The following NXPH1 variants were observed in gnomAD, a reference collection of about 807,000 sequenced individuals.
The protein encoded by NXPH1 is neurexophilin 1.
A neutral mutation model predicts 23.7 loss-of-function variants in NXPH1; 5 were observed. The observed-to-expected ratio is 0.21, with a 90% confidence interval of 0.11 to 0.44. The LOEUF (loss-of-function observed/expected upper bound fraction) is 0.44, where lower values mean the gene tolerates loss of function less well. NXPH1 is among the 20% of genes least tolerant of loss of function. The pLI is 0.99. For synonymous variants in NXPH1, 144 were observed against 122.2 expected (o/e 1.18, Z -1.18); for missense variants, 324 against 321.6 (o/e 1.01, Z -0.06).
rs116372432 is a variant in NXPH1, at chr7:8,464,017, C to G, written c.54+28250C>G. ...ATATGTTCCCAGAGACGTCTCTCCTCTTCCTCCTCCTCCTTTTCTTTGTTC... is the reference window on the plus strand; with the variant it reads ...ATATGTTCCCAGAGACGTCTCTCCTGTTCCTCCTCCTCCTTTTCTTTGTTC... On this transcript the variant is annotated intron_variant, in intron 2 of 2. Coordinates refer to ENST00000405863, the MANE Select transcript of NXPH1 (RefSeq NM_152745.3). Among the ~76,000 whole-genome samples, 1,222 of 152,058 alleles carry G rather than the reference C, an allele frequency of 8.0e-3. 22 individuals are homozygous for G. Among genetic ancestry groups the G allele is most frequent in the African/African-American group, 0.028 (1,175 of 41,430 alleles).
chr7:8,659,467 CA>C, intron 2 of NXPH1, among the ~76,000 whole-genome samples: 1 of 152,234 alleles, frequency 6.6e-6, no homozygotes, highest in South Asian at 2.1e-4. Context: ...TCATTCTCAG[CA>C]AACTATCGCA....
chr7:8,435,272 A>G lies in NXPH1; in HGVS notation c.-110-332A>G. 1 of 243,890 alleles carries G rather than the reference A, an allele frequency of 4.1e-6. No homozygotes were observed. The highest frequency in any genetic ancestry group is 1.2e-4 in the East Asian group (1 of 8,684). The allele number at this position is 243,890 out of a possible 1,614,324, so 15.1% of individuals were successfully genotyped here. A position where few individuals can be genotyped will look rare whatever the true frequency, so the allele number is the denominator to read the frequency against. ...AGTCCGAGCCGCCGGGCCACCCAAC[A>G]CAAGGGCAGGTCTCGCTGCCGGAGA... On this transcript the variant is annotated intron_variant, in intron 1 of 2. Coordinates refer to ENST00000405863, the MANE Select transcript of NXPH1 (RefSeq NM_152745.3). The surrounding 1 kb of genome is among the most constrained non-coding windows in gnomAD (Gnocchi z 5.9).
At position 8,469,673 on chromosome 7, in the gene NXPH1, A is replaced by G. The variant is rs574312931; in HGVS notation, c.54+33906A>G. Among the ~76,000 whole-genome samples the G allele has an allele frequency of 2.8e-4, 42 of 152,254 alleles. No individual in the cohort carries two copies. The South Asian group carries it at 8.3e-3, about 30-fold the overall frequency. ...GGTTACCAGGGATCTTTACACTTTA[A>G]TTCTATCGAATTGTGGATTGAAATG... On this transcript the variant is annotated intron_variant, in intron 2 of 2. Coordinates refer to ENST00000405863, the MANE Select transcript of NXPH1 (RefSeq NM_152745.3).
chr7:8,584,113 G>T (rs1818933453), intron 2 of NXPH1, among the ~76,000 whole-genome samples: 2 of 152,122 alleles, frequency 1.3e-5, no homozygotes. Context: ...ACAACACATT[G>T]GTGAGGTAAG....
chr7:8,744,202 T>C (rs1000788057), intron 2 of NXPH1, among the ~76,000 whole-genome samples: 5 of 152,230 alleles, frequency 3.3e-5, no homozygotes, highest in African/African-American at 9.6e-5. Context: ...CTTATGTTAA[T>C]AATCTTTATG....
chr7:8,686,684 C>A (rs190050514), intron 2 of NXPH1, among the ~76,000 whole-genome samples: 38 of 152,224 alleles, frequency 2.5e-4, no homozygotes, highest in Middle Eastern at 3.4e-3. Context: ...GGCATTATTT[C>A]ATCTGCCTTT....
At chr7:8,508,374 TA>T (rs1817564067) in intron 2 of NXPH1, among the ~76,000 whole-genome samples, 1 of 152,104 alleles carries the variant, frequency 6.6e-6, no homozygotes, top group Non-Finnish European at 1.5e-5. Flanking sequence ...AAAATAGAAA[TA>T]ATATTATCTC....
At chr7:8,579,449 T>G (rs1818823389) in intron 2 of NXPH1, among the ~76,000 whole-genome samples, 2 of 151,620 alleles carry the variant, frequency 1.3e-5, no homozygotes, top group Non-Finnish European at 2.9e-5. Context: ...CTTGGCTCAC[T>G]GAAACCTTTG....
At chr7:8,686,073 A>C (rs990687399) in intron 2 of NXPH1, among the ~76,000 whole-genome samples, 1 of 152,154 alleles carries the variant, frequency 6.6e-6, no homozygotes, top group African/African-American at 2.4e-5. Context: ...AAATTAATTT[A>C]AAAATGAAAA....
chr7:8,500,547 A>G (rs1025818940), intron 2 of NXPH1, among the ~76,000 whole-genome samples: 13 of 152,034 alleles, frequency 8.6e-5, no homozygotes, highest in Non-Finnish European at 1.6e-4. Context: ...AAAATTCATA[A>G]CAGTGCCTGA....
chr7:8,483,689 G>C (rs1817111454), intron 2 of NXPH1, among the ~76,000 whole-genome samples: 1 of 152,136 alleles, frequency 6.6e-6, no homozygotes, highest in African/African-American at 2.4e-5. Context: ...TGTCAGAGTG[G>C]GGTGTCCAGA....
At chr7:8,593,945 A>C (rs1180212404) in intron 2 of NXPH1, among the ~76,000 whole-genome samples, 2 of 152,084 alleles carry the variant, frequency 1.3e-5, no homozygotes, top group African/African-American at 4.8e-5. Flanking sequence ...ATTTCAGCTT[A>C]TGATAACATT....
At position 8,682,083 on chromosome 7, in the gene NXPH1, G is replaced by A. The variant is rs143809261; in HGVS notation, c.55-68925G>A. On this transcript the variant is annotated intron_variant, in intron 2 of 2. Transcript: ENST00000405863. Reference sequence around the variant, plus strand: ...GTCTGAATGGGTGCTGGGGTGAGGGGTGATTGATCACCTTCACCTTTGTGC... The same window carrying A: ...GTCTGAATGGGTGCTGGGGTGAGGGATGATTGATCACCTTCACCTTTGTGC... 3.3e-5 allele frequency among the ~76,000 whole-genome samples: 5 copies of A among 152,304 alleles called. No homozygotes were observed. In the East Asian group the frequency reaches 7.7e-4, roughly 24 times the overall value.
chr7:8,693,512 C>T lies in NXPH1; in HGVS notation c.55-57496C>T, dbSNP rs142235118. Among the ~76,000 whole-genome samples, 968 of 152,224 alleles carry T rather than the reference C, an allele frequency of 6.4e-3. 4 individuals carry two copies. Among genetic ancestry groups the T allele is most frequent in the Non-Finnish European group, 0.01 (693 of 68,010 alleles). The stretch of plus-strand genomic sequence containing the variant: ...TGTCTGTTTATCTAAGTGTCTTTGG[C>T]AAAAGACTTAATCTTTTAAAACTTT... On this transcript the variant is annotated intron_variant, in intron 2 of 2. Coordinates refer to ENST00000405863, the MANE Select transcript of NXPH1 (RefSeq NM_152745.3).
At chr7:8,643,863 T>C (rs78643575) in intron 2 of NXPH1, among the ~76,000 whole-genome samples, 7,184 of 152,220 alleles carry the variant, frequency 0.047, 366 homozygotes, top group East Asian at 0.17. Flanking sequence ...TTTAAAACTA[T>C]GTGGATTTGG....
At chr7:8,490,190 A>G (rs557758947) in intron 2 of NXPH1, among the ~76,000 whole-genome samples, 11 of 152,080 alleles carry the variant, frequency 7.2e-5, no homozygotes, top group Non-Finnish European at 1.6e-4. Flanking sequence ...AATAAAAAAT[A>G]ATTTCATGAA....
At chr7:8,490,066 C>A (rs965288668) in intron 2 of NXPH1, among the ~76,000 whole-genome samples, 3 of 152,070 alleles carry the variant, frequency 2.0e-5, no homozygotes, top group Admixed American at 2.0e-4. Flanking sequence ...GAGTGTCCTT[C>A]AGTATCCTAC....
chr7:8,722,371 G>T (rs1041525616), intron 2 of NXPH1, among the ~76,000 whole-genome samples: 3 of 152,142 alleles, frequency 2.0e-5, no homozygotes, highest in Non-Finnish European at 4.4e-5. Context: ...AAGAATAATT[G>T]CCTCTGTGTT....
intron 2 of NXPH1, among the ~76,000 whole-genome samples, chr7:8,464,007 C>T (rs551660747): frequency 3.9e-5 from 6 of 152,090 alleles, no homozygotes; most frequent in South Asian, 2.1e-4. Flanking sequence ...TTCCCAGAGA[C>T]GTCTCTCCTC....
Sources: allele counts gnomAD v4.1 joint callset (sites outside exome capture counted in the v4.1 genomes callset), GRCh38; gene constraint gnomAD v4.1.1; non-coding constraint Gnocchi (gnomAD v3.1); transcripts MANE v1.5; gene names NCBI Gene and HGNC (gene_info 2026-07-23, HGNC 2026-07-21).